CSMD1: variants seen among roughly 807,000 people sequenced by gnomAD.
CSMD1 encodes CUB and Sushi multiple domains 1.
CSMD1 carries 213 observed loss-of-function variants against 417.5 expected under a neutral mutation model. That is an observed-to-expected ratio of 0.51 (90% CI 0.46 to 0.57). The LOEUF (loss-of-function observed/expected upper bound fraction) is 0.57, where lower values mean the gene tolerates loss of function less well. Ranked by LOEUF, CSMD1 falls within the 20% of genes least tolerant of loss-of-function variation. The probability of loss-of-function intolerance (pLI) is 0.00; values close to 1 mark genes in which losing one functional copy is unlikely to be tolerated. For missense variants in CSMD1, 6,923 were observed against 4,529.7 expected (o/e 1.53, Z -15.17); for synonymous variants, 2,862 against 1,736.8 (o/e 1.65, Z -16.11).
chr8:4,495,670 T>C (rs768675685), intron 2 of CSMD1, among the ~76,000 whole-genome samples: 3 of 152,280 alleles, frequency 2.0e-5, no homozygotes, highest in Non-Finnish European at 4.4e-5. Context: ...AAAATGTAAG[T>C]AAAATACTAT....
chr8:4,731,803 G>C (rs1270873434), intron 1 of CSMD1, among the ~76,000 whole-genome samples: 1 of 152,116 alleles, frequency 6.6e-6, no homozygotes, highest in Non-Finnish European at 1.5e-5. Flanking sequence ...ATTTAGGGTT[G>C]GGCGAACAAC....
intron 5 of CSMD1, among the ~76,000 whole-genome samples, chr8:3,834,422 G>T (rs542062314): frequency 6.6e-6 from 1 of 152,222 alleles, no homozygotes; most frequent in East Asian, 1.9e-4. Context: ...ATACCCCCTG[G>T]AAGTGGGGCA....
intron 1 of CSMD1, among the ~76,000 whole-genome samples, chr8:4,735,910 T>A (rs1298986286): frequency 6.6e-6 from 1 of 152,180 alleles, no homozygotes; most frequent in Non-Finnish European, 1.5e-5. Flanking sequence ...GATTTACTGA[T>A]GAGCAGGTAA....
chr8:4,185,826 C>G (rs958832278), intron 3 of CSMD1, among the ~76,000 whole-genome samples: 3 of 152,148 alleles, frequency 2.0e-5, no homozygotes, highest in Non-Finnish European at 4.4e-5. Context: ...CAGAAAGTGC[C>G]CTGCATAAGC....
chr8:4,415,831 G>A (rs115928460), intron 3 of CSMD1, among the ~76,000 whole-genome samples: 4,840 of 152,238 alleles, frequency 0.032, 139 homozygotes, highest in African/African-American at 0.079. Flanking sequence ...ATGTATTTGT[G>A]TATGTGTGTA....
Position 4,181,757 on chromosome 8 carries a change from T to C in CSMD1, c.416-149658A>G, listed in dbSNP as rs17069223. On this transcript the variant is annotated intron_variant, in intron 3 of 69. Transcript: ENST00000635120. ...AACAAAATAAACAACAATTCTTATC[T>C]TGTCATTGAAATATTACGTATTAAC... Among the ~76,000 whole-genome samples the C allele has an allele frequency of 5.7e-3, 861 of 152,304 alleles. 5 individuals are homozygous for C. Among genetic ancestry groups the C allele is most frequent in the African/African-American group, 0.019 (794 of 41,564 alleles).
At chr8:4,367,701 T>C (rs751920284) in intron 3 of CSMD1, among the ~76,000 whole-genome samples, 1 of 152,216 alleles carries the variant, frequency 6.6e-6, no homozygotes, top group Admixed American at 6.5e-5. Context: ...GAGCACTGAA[T>C]GGTTTTCATC....
intron 1 of CSMD1, among the ~76,000 whole-genome samples, chr8:4,683,220 A>G (rs369224789): frequency 6.6e-6 from 1 of 152,060 alleles, no homozygotes; most frequent in Non-Finnish European, 1.5e-5. Flanking sequence ...TAGTATTACC[A>G]TGAAGAGTCT....
chr8:3,816,525 G>A (rs1037717312), intron 5 of CSMD1, among the ~76,000 whole-genome samples: 3 of 152,108 alleles, frequency 2.0e-5, no homozygotes, highest in Non-Finnish European at 2.9e-5. Flanking sequence ...TTTATGTATA[G>A]TTAATAAGTA....
intron 1 of CSMD1, among the ~76,000 whole-genome samples, chr8:4,987,957 G>A (rs1369015231): frequency 6.6e-6 from 1 of 152,254 alleles, no homozygotes; most frequent in East Asian, 1.9e-4. Flanking sequence ...CTGCACTGTT[G>A]ACTTCCTTGC....
intron 50 of CSMD1, among the ~76,000 whole-genome samples, chr8:3,049,006 G>A (rs1811642702): frequency 6.6e-6 from 1 of 152,030 alleles, no homozygotes. Context: ...CATCATCAGA[G>A]TATTGCTAAT....
At chr8:3,694,596 C>G (rs1800445647) in intron 7 of CSMD1, among the ~76,000 whole-genome samples, 2 of 151,838 alleles carry the variant, frequency 1.3e-5, no homozygotes, top group Admixed American at 6.6e-5. Flanking sequence ...CTGCAAAACT[C>G]AGGAGAAAAG....
At chr8:3,226,100 C>A (rs1449327958) in intron 27 of CSMD1, among the ~76,000 whole-genome samples, 1 of 152,198 alleles carries the variant, frequency 6.6e-6, no homozygotes, top group South Asian at 2.1e-4. Flanking sequence ...AATGTTCACA[C>A]CGTTGGGGGC....
At chr8:3,283,543 A>G (rs1225661545) in intron 26 of CSMD1, among the ~76,000 whole-genome samples, 1 of 152,108 alleles carries the variant, frequency 6.6e-6, no homozygotes, top group Non-Finnish European at 1.5e-5. Context: ...AGTGTTCAGA[A>G]CCACTCCAAA....
intron 3 of CSMD1, among the ~76,000 whole-genome samples, chr8:4,269,176 C>T (rs959939910): frequency 6.6e-6 from 1 of 152,114 alleles, no homozygotes; most frequent in Non-Finnish European, 1.5e-5. Flanking sequence ...CCTGCCTCAG[C>T]CCTCCTAGTA....
intron 3 of CSMD1, among the ~76,000 whole-genome samples, chr8:4,360,467 C>T (rs4875097): frequency 6.6e-6 from 1 of 151,950 alleles, no homozygotes; most frequent in Admixed American, 6.6e-5. Flanking sequence ...ATCATAACCT[C>T]TTTTTTCTTG....
At chr8:3,819,504 T>C (rs919940578) in intron 5 of CSMD1, among the ~76,000 whole-genome samples, 10 of 151,532 alleles carry the variant, frequency 6.6e-5, no homozygotes, top group Admixed American at 4.0e-4. Flanking sequence ...TCTCCAAGAA[T>C]GCTGGAGCTC....
chr8:4,371,579 G>C (rs191490638), intron 3 of CSMD1, among the ~76,000 whole-genome samples: 9 of 152,142 alleles, frequency 5.9e-5, no homozygotes. Context: ...TTCATTCATG[G>C]ATTCAAAATG....
At chr8:3,590,645 T>G (rs139852796) in intron 8 of CSMD1, among the ~76,000 whole-genome samples, 1 of 152,158 alleles carries the variant, frequency 6.6e-6, no homozygotes, top group Non-Finnish European at 1.5e-5. Context: ...CAATAGAATA[T>G]GGAAGCTTCT....
Sources: allele counts gnomAD v4.1 joint callset (sites outside exome capture counted in the v4.1 genomes callset), GRCh38; gene constraint gnomAD v4.1.1; transcripts MANE v1.5; gene names NCBI Gene and HGNC (gene_info 2026-07-23, HGNC 2026-07-21).